Variants in PTPRD observed in about 807,000 individuals in gnomAD.
PTPRD encodes the protein protein tyrosine phosphatase receptor type D, also known as receptor-type tyrosine-protein phosphatase delta.
Under a neutral mutation model 214.5 loss-of-function variants are expected in PTPRD, and 34 were observed. The observed-to-expected ratio is 0.16, with a 90% CI of 0.12 to 0.21. The LOEUF is 0.21. Among genes scored for constraint, PTPRD ranks in the 10% least tolerant of loss-of-function variants. PTPRD has a pLI of 1.00. For synonymous variants in PTPRD, 1,128 were observed against 845.7 expected (o/e 1.33, Z -5.79); for missense variants, 2,545 against 2,398.7 (o/e 1.06, Z -1.27).
At chr9:8,823,153 C>T (rs1052524560) in intron 11 of PTPRD, among the ~76,000 whole-genome samples, 1 of 152,078 alleles carries the variant, frequency 6.6e-6, no homozygotes, top group Non-Finnish European at 1.5e-5. Flanking sequence ...CTTTAATATC[C>T]TAGTTTTCTT....
At chr9:9,738,834 TC>T (rs2154448345) in intron 6 of PTPRD, among the ~76,000 whole-genome samples, 1 of 152,278 alleles carries the variant, frequency 6.6e-6, no homozygotes, top group African/African-American at 2.4e-5. Context: ...AAATATTTCC[TC>T]CCATTTTGTG....
At chr9:9,489,081 C>A (rs12349498) in intron 8 of PTPRD, among the ~76,000 whole-genome samples, 27,093 of 152,018 alleles carry the variant, frequency 0.18, 2,513 homozygotes, top group Non-Finnish European at 0.21. Flanking sequence ...CTCCATTTTT[C>A]TCTTTTAAAA....
At chr9:10,199,685 C>T (rs1190175487) in intron 3 of PTPRD, among the ~76,000 whole-genome samples, 1 of 151,916 alleles carries the variant, frequency 6.6e-6, no homozygotes, top group Non-Finnish European at 1.5e-5. Flanking sequence ...CACATAGCTT[C>T]CCTTAAGACA....
chr9:8,967,282 C>T (rs1280452222), intron 11 of PTPRD, among the ~76,000 whole-genome samples: 1 of 152,100 alleles, frequency 6.6e-6, no homozygotes, highest in Non-Finnish European at 1.5e-5. Context: ...TATGACTCAG[C>T]AATCCCATTA....
chr9:8,851,996 A>G (rs1488778397), intron 11 of PTPRD, among the ~76,000 whole-genome samples: 1 of 152,120 alleles, frequency 6.6e-6, no homozygotes, highest in Non-Finnish European at 1.5e-5. Flanking sequence ...ATATCCAACC[A>G]TTTATGAAAT....
chr9:8,348,011 T>G (rs1013521744), intron 39 of PTPRD, among the ~76,000 whole-genome samples: 2 of 151,920 alleles, frequency 1.3e-5, no homozygotes, highest in Non-Finnish European at 1.5e-5. Flanking sequence ...GTTTGCTAAA[T>G]AAAGAGGGTG....
chr9:10,470,905 C>A (rs1275649622), intron 2 of PTPRD, among the ~76,000 whole-genome samples: 1 of 152,002 alleles, frequency 6.6e-6, no homozygotes, highest in African/African-American at 2.4e-5. Flanking sequence ...CAACCAAATG[C>A]CCATCAATGA....
chr9:8,512,426 C>G (rs1363727691), intron 21 of PTPRD, among the ~76,000 whole-genome samples: 1 of 151,938 alleles, frequency 6.6e-6, no homozygotes, highest in Non-Finnish European at 1.5e-5. Flanking sequence ...TCAGAAAAAG[C>G]ATTTAAATTG....
At chr9:10,511,529 G>A (rs2048002759) in intron 2 of PTPRD, among the ~76,000 whole-genome samples, 2 of 150,130 alleles carry the variant, frequency 1.3e-5, no homozygotes, top group Admixed American at 6.6e-5. Flanking sequence ...TCAGCCTCCT[G>A]AGTAGCTAGG....
At chr9:10,177,558 A>G (rs970127954) in intron 3 of PTPRD, among the ~76,000 whole-genome samples, 24 of 151,862 alleles carry the variant, frequency 1.6e-4, no homozygotes, top group Admixed American at 1.6e-3. Flanking sequence ...AGACCAGAGG[A>G]AAAACAGATG....
chr9:9,899,589 A>G (rs143923481), intron 5 of PTPRD, among the ~76,000 whole-genome samples: 8 of 152,146 alleles, frequency 5.3e-5, no homozygotes, highest in African/African-American at 1.7e-4. Context: ...GAGAGCTCAT[A>G]TACTCTTGGT....
chr9:9,674,465 T>C (rs2096891346), intron 7 of PTPRD, among the ~76,000 whole-genome samples: 1 of 151,692 alleles, frequency 6.6e-6, no homozygotes, highest in African/African-American at 2.4e-5. Flanking sequence ...AAAATTAAAA[T>C]GTAGTCATAT....
At chr9:10,199,521 A>G (rs773014544) in intron 3 of PTPRD, among the ~76,000 whole-genome samples, 8 of 152,086 alleles carry the variant, frequency 5.3e-5, no homozygotes, top group South Asian at 2.1e-4. Flanking sequence ...CAGGAATTAG[A>G]AACAGTGAGA....
chr9:10,393,328 G>A (rs2098107922), intron 2 of PTPRD, among the ~76,000 whole-genome samples: 1 of 151,508 alleles, frequency 6.6e-6, no homozygotes, highest in Non-Finnish European at 1.5e-5. Context: ...TATGTGGTCA[G>A]AACCAAAGAG....
chr9:8,992,934 G>C (rs2099383077), intron 11 of PTPRD, among the ~76,000 whole-genome samples: 1 of 151,980 alleles, frequency 6.6e-6, no homozygotes, highest in African/African-American at 2.4e-5. Flanking sequence ...GGCTGATTTT[G>C]GTTTGCAATT....
At position 9,316,003 on chromosome 9, in the gene PTPRD, T is replaced by C. The variant is rs147028519; in HGVS notation, c.-203+81446A>G. Among the ~76,000 whole-genome samples the C allele has an allele frequency of 3.9e-3, 587 of 152,064 alleles. 3 individuals are homozygous for C. Among genetic ancestry groups the C allele is most frequent in the African/African-American group, 0.014 (573 of 41,536 alleles). ...AGATGTCCACATAAACAAAATAAAG[T>C]ATACCAGTATGCAATTTATATCATA... On this transcript the variant is annotated intron_variant, in intron 9 of 45. Transcript: ENST00000381196.
At chr9:9,260,052 A>G (rs1403712750) in intron 9 of PTPRD, among the ~76,000 whole-genome samples, 1 of 151,908 alleles carries the variant, frequency 6.6e-6, no homozygotes, top group East Asian at 2.0e-4. Context: ...AATGCCAGAA[A>G]AGTCTGTGGG....
chr9:9,602,128 C>A (rs1005206684), intron 7 of PTPRD, among the ~76,000 whole-genome samples: 8 of 151,958 alleles, frequency 5.3e-5, no homozygotes, highest in Admixed American at 1.3e-4. Context: ...TAAAAGCAGA[C>A]AACATTGTTC....
At chr9:8,506,926 A>T (rs1018848770) in intron 22 of PTPRD, among the ~76,000 whole-genome samples, 7 of 152,214 alleles carry the variant, frequency 4.6e-5, no homozygotes, top group African/African-American at 1.7e-4. Flanking sequence ...TAATTTAGTC[A>T]CCTGTCCCCA....
Sources: gnomAD v4.1 joint callset for allele counts (sites outside exome capture counted in the v4.1 genomes callset) on GRCh38, gnomAD v4.1.1 for gene constraint, MANE v1.5 for transcripts, NCBI Gene and HGNC (gene_info 2026-07-23, HGNC 2026-07-21) for gene names.